The following XKR9 variants were observed in gnomAD, a reference collection of about 807,000 sequenced individuals.
XKR9 encodes the protein XK related 9, also known as XK-related protein 9.
A neutral mutation model predicts 32.0 loss-of-function variants in XKR9; 32 were observed. The ratio of observed to expected loss-of-function variants is 1.00; its 90% CI spans 0.76 to 1.34. The LOEUF (loss-of-function observed/expected upper bound fraction) is 1.34. XKR9 is among the 40% of genes most tolerant of loss of function. The pLI is 0.00. For synonymous variants in XKR9, 168 were observed against 143.4 expected (o/e 1.17, Z -1.22); for missense variants, 546 against 429.7 (o/e 1.27, Z -2.39).
the XKR9 span, among the ~76,000 whole-genome samples, chr8:70,801,544 C>CT: frequency 1.9e-4 from 29 of 152,026 alleles, no homozygotes; most frequent in East Asian, 4.5e-3. Flanking sequence ...GGCACGGTTT[C>CT]TTTTTTTAAA....
At chr8:70,773,867 C>T (rs904856530) in intron 2 of XKR9, among the ~76,000 whole-genome samples, 1 of 152,034 alleles carries the variant, frequency 6.6e-6, no homozygotes, top group African/African-American at 2.4e-5. Context: ...AGTAAGGAGG[C>T]ATGGATTGGC....
At chr8:70,951,771 A>G in the XKR9 span, among the ~76,000 whole-genome samples, 1 of 152,144 alleles carries the variant, frequency 6.6e-6, no homozygotes, top group East Asian at 1.9e-4. Flanking sequence ...AAATGGACCT[A>G]CAGTTATAAA....
chr8:70,804,442 T>C, the XKR9 span, among the ~76,000 whole-genome samples: 1 of 152,282 alleles, frequency 6.6e-6, no homozygotes, highest in Non-Finnish European at 1.5e-5. Context: ...ATATTAACTT[T>C]CTATGCCTCA....
At chr8:71,013,226 G>A in the XKR9 span, among the ~76,000 whole-genome samples, 10 of 152,202 alleles carry the variant, frequency 6.6e-5, no homozygotes, top group South Asian at 2.1e-4. Flanking sequence ...TGGAGGGGGC[G>A]GCCTGAATAT....
chr8:70,707,636 A>T (rs1320182882), intron 4 of XKR9, among the ~76,000 whole-genome samples: 1 of 152,022 alleles, frequency 6.6e-6, no homozygotes, highest in African/African-American at 2.4e-5. Context: ...CCATTGAAAA[A>T]ATGCTGCAAC....
the XKR9 span, among the ~76,000 whole-genome samples, chr8:70,824,812 G>A: frequency 2.0e-5 from 3 of 152,018 alleles, no homozygotes; most frequent in South Asian, 6.2e-4. Flanking sequence ...GAATTGTGGT[G>A]TATGGTCTTA....
chr8:70,888,359 T>C, the XKR9 span, among the ~76,000 whole-genome samples: 17 of 152,054 alleles, frequency 1.1e-4, no homozygotes, highest in Non-Finnish European at 1.2e-4. Flanking sequence ...TATGAATTCC[T>C]TGTCAGATAT....
rs370118721 is a variant in XKR9 at position 70,707,189 on chromosome 8, C to A, written c.493+36C>A. The A allele has an allele frequency of 6.9e-5, 105 of 1,512,656 alleles. 1 individual carries two copies. The highest frequency in any genetic ancestry group is 6.9e-4 in the Middle Eastern group (4 of 5,798). The allele number at this position is 1,512,656 out of a possible 1,614,324, so 93.7% of individuals were successfully genotyped here. A position where few individuals can be genotyped will look rare whatever the true frequency, so the allele number is the denominator to read the frequency against. ...CTTAACTCCTTGTGTTAAATGGATG[C>A]CACTGAGACCTTACGTCAACTATAT... On this transcript the variant is annotated intron_variant, in intron 4 of 4. Transcript: ENST00000408926.
chr8:70,968,243 T>C, the XKR9 span, among the ~76,000 whole-genome samples: 3 of 152,242 alleles, frequency 2.0e-5, no homozygotes, highest in African/African-American at 7.2e-5. Context: ...TTGATACTTG[T>C]GATTGCATTG....
chr8:70,727,556 A>G (rs974305179), intron 4 of XKR9, among the ~76,000 whole-genome samples: 1 of 151,984 alleles, frequency 6.6e-6, no homozygotes, highest in South Asian at 2.1e-4. Flanking sequence ...ACACACCACC[A>G]CGCCTGGCTA....
intron 2 of XKR9, among the ~76,000 whole-genome samples, chr8:70,785,637 A>T (rs1485713096): frequency 1.3e-5 from 2 of 148,432 alleles, no homozygotes; most frequent in African/African-American, 4.9e-5. Context: ...ATAACATAGG[A>T]ATTTATTAGT....
At chr8:70,710,818 A>G (rs1349016220) in intron 4 of XKR9, among the ~76,000 whole-genome samples, 1 of 152,194 alleles carries the variant, frequency 6.6e-6, no homozygotes, top group Non-Finnish European at 1.5e-5. Flanking sequence ...TGCATGGCAA[A>G]AGAAACTATC....
chr8:70,742,524 T>A (rs1269010856), intron 2 of XKR9, among the ~76,000 whole-genome samples: 1 of 152,252 alleles, frequency 6.6e-6, no homozygotes, highest in Non-Finnish European at 1.5e-5. Flanking sequence ...GTCTATGTGT[T>A]ATTATTTCTC....
At chr8:70,810,631 G>A in the XKR9 span, among the ~76,000 whole-genome samples, 1 of 152,240 alleles carries the variant, frequency 6.6e-6, no homozygotes, top group Admixed American at 6.5e-5. Context: ...AAAGGCAGGG[G>A]TTGTAATCCT....
chr8:70,807,873 G>A, the XKR9 span, among the ~76,000 whole-genome samples: 1 of 152,090 alleles, frequency 6.6e-6, no homozygotes, highest in African/African-American at 2.4e-5. Context: ...AAATTAACAA[G>A]GATATTCAGG....
At chr8:70,987,878 G>A in the XKR9 span, among the ~76,000 whole-genome samples, 7 of 152,286 alleles carry the variant, frequency 4.6e-5, no homozygotes, top group South Asian at 1.2e-3. Flanking sequence ...AATCTAGGTG[G>A]AGGTTCCTAA....
At chr8:70,789,689 G>T (rs1807738134) in intron 3 of XKR9, among the ~76,000 whole-genome samples, 1 of 151,542 alleles carries the variant, frequency 6.6e-6, no homozygotes. Context: ...CTACTCTATG[G>T]GATCTTAATT....
At chr8:70,864,792 A>G in the XKR9 span, among the ~76,000 whole-genome samples, 1 of 152,162 alleles carries the variant, frequency 6.6e-6, no homozygotes, top group South Asian at 2.1e-4. Context: ...GATAATTTGG[A>G]TTAACCTTAT....
the XKR9 span, among the ~76,000 whole-genome samples, chr8:70,876,225 T>C: frequency 6.8e-6 from 1 of 147,956 alleles, no homozygotes; most frequent in Admixed American, 6.7e-5. Context: ...GTTCTTTTTT[T>C]TTTTTTTTTT....
Sources: gnomAD v4.1 joint callset for allele counts (sites outside exome capture counted in the v4.1 genomes callset) on GRCh38, gnomAD v4.1.1 for gene constraint, MANE v1.5 for transcripts, NCBI Gene and HGNC (gene_info 2026-07-23, HGNC 2026-07-21) for gene names.